Variants in ERC1 observed in about 807,000 individuals in gnomAD.
ERC1 encodes the protein ELKS/RAB6-interacting/CAST family member 1.
ERC1 carries 56 observed loss-of-function variants against 132.0 expected under a neutral mutation model. That is an observed-to-expected ratio of 0.42 (90% CI 0.34 to 0.53). The LOEUF is 0.53. ERC1 is among the 20% of genes least tolerant of loss of function. ERC1 has a pLI of 0.03. For missense variants in ERC1, 1,202 were observed against 1,349.9 expected (o/e 0.89, Z 1.72); for synonymous variants, 478 against 476.1 (o/e 1.00, Z -0.05).
rs1802819302 is a variant in ERC1, at chr12:1,491,736, T to A, written c.*1506T>A. Reference sequence around the variant, plus strand: ...GACATCTGCATGTACCTCGTGGAATTCAGCCAGCTTCATGTTGCAAATCAG... The same window carrying A: ...GACATCTGCATGTACCTCGTGGAATACAGCCAGCTTCATGTTGCAAATCAG... On this transcript the variant is annotated 3_prime_UTR_variant, in exon 19 of 19. Transcript: ENST00000360905. 4.3e-6 allele frequency: 1 copy of A among 231,248 alleles called. No individual in the cohort carries two copies. Among genetic ancestry groups the A allele is most frequent in the Admixed American group, 5.6e-5 (1 of 17,722 alleles). The allele number at this position is 231,248 out of a possible 1,614,324, so 14.3% of individuals were successfully genotyped here.
At chr12:1,394,015 C>CAAAAAAAAAAAAAAAA (rs1216337061) in intron 16 of ERC1, among the ~76,000 whole-genome samples, 3 of 26,920 alleles carry the variant, frequency 1.1e-4, no homozygotes, top group African/African-American at 3.5e-4. Context: ...GACTCCGTCT[C>CAAAAAAAAAAAAAAAA]AAAAAAAAAA....
chr12:1,096,505 A>C (rs1042939321), intron 3 of ERC1, among the ~76,000 whole-genome samples: 1 of 152,202 alleles, frequency 6.6e-6, no homozygotes, highest in Non-Finnish European at 1.5e-5. Context: ...TATTGAACAA[A>C]TACTGTTAAA....
intron 7 of ERC1, among the ~76,000 whole-genome samples, chr12:1,132,855 G>GTT (rs143199706): frequency 1.6e-3 from 227 of 145,280 alleles, no homozygotes; most frequent in African/African-American, 4.4e-3. Flanking sequence ...AATAATGTGG[G>GTT]TTTTTTTTTT....
At position 1,494,212 on chromosome 12, in the gene ERC1, G is replaced by A. The variant is rs936888697; in HGVS notation, c.*3982G>A. On this transcript the variant is annotated 3_prime_UTR_variant, in exon 19 of 19. Transcript: ENST00000360905. Reference sequence around the variant, plus strand: ...GCCTCCTCTTCACCTGCCTGGGTTCGGAACTGAGGAGGAAGGATGAGAAGA... The same window carrying A: ...GCCTCCTCTTCACCTGCCTGGGTTCAGAACTGAGGAGGAAGGATGAGAAGA... The A allele has an allele frequency of 3.0e-5, 7 of 232,052 alleles. No homozygotes were observed. Among genetic ancestry groups the A allele is most frequent in the Non-Finnish European group, 5.1e-5 (6 of 117,378 alleles). 14.4% of individuals were successfully genotyped at this position (232,052 alleles called of 1,614,324 possible). A position where few individuals can be genotyped will look rare whatever the true frequency, so the allele number is the denominator to read the frequency against.
At chr12:1,038,869 A>C (rs1025584909) in intron 2 of ERC1, among the ~76,000 whole-genome samples, 1 of 152,198 alleles carries the variant, frequency 6.6e-6, no homozygotes, top group East Asian at 1.9e-4. Flanking sequence ...GGGTAATAGG[A>C]ATGGAGAAGA....
At chr12:1,121,318 G>A (rs1566010514) in intron 7 of ERC1, among the ~76,000 whole-genome samples, 1 of 152,202 alleles carries the variant, frequency 6.6e-6, no homozygotes, top group Non-Finnish European at 1.5e-5. Flanking sequence ...TATTAGTTTT[G>A]GGACTGGAAT....
intron 17 of ERC1, among the ~76,000 whole-genome samples, chr12:1,433,627 G>C (rs2092865804): frequency 1.3e-5 from 2 of 152,158 alleles, no homozygotes; most frequent in South Asian, 4.1e-4. Context: ...TTGTTAATTA[G>C]AAGTGTATCT....
Position 1,444,670 on chromosome 12 carries a change from C to T in ERC1, c.3133C>T (p.Leu1045Phe). Reference protein sequence around the residue: ...HDRDPLILRGLTPPASYNLDD... With the variant: ...HDRDPLILRGFTPPASYNLDD... ...CCGAGACCCCCTGATCCTCCGTGGA[C>T]TCACTCCACCAGCTTCCTATAACTT... Residue 1045 changes from leucine to phenylalanine, a missense_variant, in exon 18 of 19, where the codon CTC becomes TTC. Coordinates refer to ENST00000360905, the MANE Select transcript of ERC1 (RefSeq NM_178040.4). 1.2e-6 allele frequency: 2 copies of T among 1,614,168 alleles called. No homozygotes were observed. Among genetic ancestry groups the T allele is most frequent in the Middle Eastern group, 1.6e-4 (1 of 6,062 alleles).
At chr12:1,291,052 A>G (rs2079414529) in intron 15 of ERC1, among the ~76,000 whole-genome samples, 1 of 152,214 alleles carries the variant, frequency 6.6e-6, no homozygotes, top group South Asian at 2.1e-4. Flanking sequence ...TTGAACTATC[A>G]GTAAACTTTG....
At chr12:1,255,900 A>G (rs2076780978) in intron 13 of ERC1, among the ~76,000 whole-genome samples, 1 of 151,400 alleles carries the variant, frequency 6.6e-6, no homozygotes, top group East Asian at 1.9e-4. Context: ...CAACCTCCCA[A>G]AGTGCTGGGA....
chr12:1,199,235 C>T (rs111557789), intron 12 of ERC1, among the ~76,000 whole-genome samples: 33 of 145,782 alleles, frequency 2.3e-4, no homozygotes, highest in East Asian at 9.9e-4. Flanking sequence ...GACAAACCAC[C>T]GTCATGATCC....
chr12:1,396,481 G>A (rs1036896252), intron 16 of ERC1, among the ~76,000 whole-genome samples: 1 of 152,196 alleles, frequency 6.6e-6, no homozygotes, highest in Non-Finnish European at 1.5e-5. Context: ...AAAGATGAAT[G>A]AGACTCTGTC....
chr12:1,072,559 A>G (rs1436133915), intron 2 of ERC1, among the ~76,000 whole-genome samples: 1 of 150,324 alleles, frequency 6.7e-6, no homozygotes, highest in African/African-American at 2.4e-5. Flanking sequence ...TGTCATGGAA[A>G]ATATTAAGGG....
chr12:1,402,180 G>T (rs2091123865), intron 16 of ERC1, among the ~76,000 whole-genome samples: 1 of 152,224 alleles, frequency 6.6e-6, no homozygotes, highest in Admixed American at 6.5e-5. Flanking sequence ...AAATTTGTGA[G>T]ATGCTGCTAA....
intron 15 of ERC1, among the ~76,000 whole-genome samples, chr12:1,319,038 A>G (rs2081951862): frequency 6.6e-6 from 1 of 152,168 alleles, no homozygotes; most frequent in Non-Finnish European, 1.5e-5. Context: ...AGAAAATGCC[A>G]TTCCTCAATA....
intron 7 of ERC1, among the ~76,000 whole-genome samples, chr12:1,128,566 T>C (rs563124551): frequency 1.3e-5 from 2 of 152,034 alleles, no homozygotes; most frequent in African/African-American, 2.4e-5. Context: ...TGTGTTTGAA[T>C]CTTGGGTCTG....
chr12:1,331,626 AATTAGTC>A (rs1451724347), intron 15 of ERC1, among the ~76,000 whole-genome samples: 1 of 152,158 alleles, frequency 6.6e-6, no homozygotes, highest in Non-Finnish European at 1.5e-5. Context: ...CCTAACAAAT[AATTAGTC>A]ATTGGGACAG....
intron 12 of ERC1, among the ~76,000 whole-genome samples, chr12:1,193,125 A>G (rs1955892547): frequency 6.6e-6 from 1 of 152,098 alleles, no homozygotes; most frequent in South Asian, 2.1e-4. Context: ...TCCAATATTA[A>G]ATGGTTCAGA....
intron 17 of ERC1, among the ~76,000 whole-genome samples, chr12:1,432,245 A>G (rs1479049130): frequency 1.3e-5 from 2 of 152,270 alleles, no homozygotes; most frequent in African/African-American, 4.8e-5. Context: ...CAATATGTGA[A>G]TGAATGACTG....
Sources: gnomAD v4.1 joint callset for allele counts (sites outside exome capture counted in the v4.1 genomes callset) on GRCh38, gnomAD v4.1.1 for gene constraint, MANE v1.5 for transcripts, NCBI Gene and HGNC (gene_info 2026-07-23, HGNC 2026-07-21) for gene names.